Variants in PRELID2 observed in about 807,000 individuals in gnomAD.
The protein encoded by PRELID2 is PRELI domain containing 2, also known as PRELI domain-containing protein 2.
PRELID2 carries 25 observed loss-of-function variants against 28.4 expected under a neutral mutation model. The ratio of observed to expected loss-of-function variants is 0.88; its 90% confidence interval spans 0.64 to 1.23. The LOEUF (loss-of-function observed/expected upper bound fraction) is 1.23. PRELID2 is among the 50% of genes most tolerant of loss of function. The probability of loss-of-function intolerance (pLI) is 0.00; values close to 1 mark genes in which losing one functional copy is unlikely to be tolerated. For missense variants in PRELID2, 201 were observed against 214.4 expected (o/e 0.94, Z 0.39); for synonymous variants, 76 against 71.6 (o/e 1.06, Z -0.31).
intron 1 of PRELID2, among the ~76,000 whole-genome samples, chr5:145,681,945 A>G (rs1754944409): frequency 6.6e-6 from 1 of 152,220 alleles, no homozygotes; most frequent in African/African-American, 2.4e-5. Flanking sequence ...ATTCATCACC[A>G]TGTCCCAGAA....
chr5:145,384,401 A>T, the PRELID2 span, among the ~76,000 whole-genome samples: 1 of 152,244 alleles, frequency 6.6e-6, no homozygotes, highest in Non-Finnish European at 1.5e-5. Context: ...ATATATTCAT[A>T]CAATGGAATG....
Position 145,757,030 on chromosome 5 carries a change from G to A in PRELID2, c.*3506C>T, listed in dbSNP as rs1403777420. Among the ~76,000 whole-genome samples, 1 of 152,178 alleles carries A rather than the reference G, an allele frequency of 6.6e-6. No homozygotes were observed. Among genetic ancestry groups the A allele is most frequent in the Non-Finnish European group, 1.5e-5 (1 of 68,028 alleles). On this transcript the variant is annotated 3_prime_UTR_variant, in exon 7 of 7. Transcript: ENST00000683046. ...GATTTAATTATCCCCAGTAGACTGTGTTTGCAAAAGCAGAGAAATGTATAC... is the reference window on the plus strand; with the variant it reads ...GATTTAATTATCCCCAGTAGACTGTATTTGCAAAAGCAGAGAAATGTATAC...
chr5:145,458,025 C>G, the PRELID2 span, among the ~76,000 whole-genome samples: 1 of 152,176 alleles, frequency 6.6e-6, no homozygotes, highest in African/African-American at 2.4e-5. Context: ...AAAAGAGGTT[C>G]AGAGTAGATT....
chr5:145,578,147 C>G (rs1753077424), intron 1 of PRELID2, among the ~76,000 whole-genome samples: 1 of 152,060 alleles, frequency 6.6e-6, no homozygotes, highest in Non-Finnish European at 1.5e-5. Flanking sequence ...AAACTTCATC[C>G]AAGGAGAACA....
At chr5:145,387,001 G>T in the PRELID2 span, among the ~76,000 whole-genome samples, 1 of 152,146 alleles carries the variant, frequency 6.6e-6, no homozygotes, top group East Asian at 1.9e-4. Context: ...TGTTTCTAAA[G>T]ATCAGTGACA....
At chr5:145,799,227 T>TAA (rs546513099) in intron 4 of PRELID2, among the ~76,000 whole-genome samples, 8 of 134,078 alleles carry the variant, frequency 6.0e-5, no homozygotes, top group Admixed American at 7.5e-5. Context: ...ATACTGAAAT[T>TAA]AAAAAAAAAA....
intron 1 of PRELID2, among the ~76,000 whole-genome samples, chr5:145,698,798 C>T (rs904527243): frequency 6.6e-6 from 1 of 152,224 alleles, no homozygotes; most frequent in African/African-American, 2.4e-5. Flanking sequence ...GTGATCTCAG[C>T]TCACTGTAAC....
At chr5:145,485,476 T>A (rs1157299920) in intron 1 of PRELID2, among the ~76,000 whole-genome samples, 1 of 152,220 alleles carries the variant, frequency 6.6e-6, no homozygotes, top group Non-Finnish European at 1.5e-5. Flanking sequence ...TCAGAATGAG[T>A]GCATGTATGT....
At chr5:145,240,977 CA>C in the PRELID2 span, among the ~76,000 whole-genome samples, 1 of 151,926 alleles carries the variant, frequency 6.6e-6, no homozygotes, top group Non-Finnish European at 1.5e-5. Flanking sequence ...CTCTATGACT[CA>C]AACAGGTTAA....
intron 1 of PRELID2, among the ~76,000 whole-genome samples, chr5:145,745,019 T>A (rs1174640840): frequency 6.6e-6 from 1 of 151,926 alleles, no homozygotes; most frequent in Non-Finnish European, 1.5e-5. Context: ...GGAACATAAA[T>A]GATCTGATGG....
At chr5:145,722,318 G>C (rs1265795122) in intron 1 of PRELID2, among the ~76,000 whole-genome samples, 2 of 152,108 alleles carry the variant, frequency 1.3e-5, no homozygotes, top group Non-Finnish European at 2.9e-5. Context: ...GATTTTTTCT[G>C]AGACAGAGTC....
the PRELID2 span, among the ~76,000 whole-genome samples, chr5:145,248,861 G>T: frequency 0.036 from 5,498 of 152,058 alleles, 317 homozygotes; most frequent in African/African-American, 0.12. Flanking sequence ...TAATCCCTAG[G>T]GAGCCAAACT....
the PRELID2 span, among the ~76,000 whole-genome samples, chr5:145,404,822 G>A: frequency 6.6e-6 from 1 of 152,150 alleles, no homozygotes; most frequent in Non-Finnish European, 1.5e-5. Context: ...AAATGTAGAG[G>A]AGGCTCAAGG....
At chr5:145,259,300 G>A in the PRELID2 span, among the ~76,000 whole-genome samples, 1 of 152,190 alleles carries the variant, frequency 6.6e-6, no homozygotes, top group African/African-American at 2.4e-5. Context: ...GCTATGAGAA[G>A]AAGGCACTGT....
chr5:145,321,088 G>C, the PRELID2 span, among the ~76,000 whole-genome samples: 1 of 152,028 alleles, frequency 6.6e-6, no homozygotes, highest in Non-Finnish European at 1.5e-5. Flanking sequence ...GAAAAACAAG[G>C]CCTTTTGCTT....
chr5:145,308,711 A>G, the PRELID2 span, among the ~76,000 whole-genome samples: 1 of 152,152 alleles, frequency 6.6e-6, no homozygotes, highest in African/African-American at 2.4e-5. Flanking sequence ...TTGAGCCTTA[A>G]CATATAGTAG....
intron 1 of PRELID2, among the ~76,000 whole-genome samples, chr5:145,693,861 A>T (rs967756783): frequency 2.6e-5 from 4 of 152,246 alleles, no homozygotes; most frequent in African/African-American, 9.6e-5. Context: ...ATGATGTTGG[A>T]GAAGAATATA....
chr5:145,413,159 C>G, the PRELID2 span, among the ~76,000 whole-genome samples: 1 of 152,036 alleles, frequency 6.6e-6, no homozygotes, highest in Non-Finnish European at 1.5e-5. Flanking sequence ...TAATAATAAT[C>G]TCATCAAAAA....
chr5:145,386,512 C>G, the PRELID2 span, among the ~76,000 whole-genome samples: 3 of 151,974 alleles, frequency 2.0e-5, no homozygotes, highest in Non-Finnish European at 4.4e-5. Context: ...AAGACATGCC[C>G]CTTCCCCTTC....
Sources: gnomAD v4.1 joint callset for allele counts (sites outside exome capture counted in the v4.1 genomes callset) on GRCh38, gnomAD v4.1.1 for gene constraint, MANE v1.5 for transcripts, NCBI Gene and HGNC (gene_info 2026-07-23, HGNC 2026-07-21) for gene names.